The following LARGE1 variants were observed in gnomAD, a reference collection of about 807,000 sequenced individuals.
LARGE1 encodes LARGE xylosyl- and glucuronyltransferase 1.
In LARGE1, 43 loss-of-function variants were observed where a neutral mutation model predicts 87.6. The observed-to-expected ratio is 0.49, with a 90% confidence interval of 0.38 to 0.63. The LOEUF (loss-of-function observed/expected upper bound fraction) is 0.63. Ranked by LOEUF, LARGE1 falls within the 30% of genes least tolerant of loss-of-function variation. The probability of loss-of-function intolerance (pLI) is 0.00; values close to 1 mark genes in which losing one functional copy is unlikely to be tolerated. For missense variants in LARGE1, 802 were observed against 1,000.2 expected, an observed-to-expected ratio of 0.80 and a Z score of 2.67; for synonymous variants, 434 against 394.6, an observed-to-expected ratio of 1.10 and a Z score of -1.18.
At chr22:33,093,822 C>CTTTTTTTTTTTTTTTTTTT in the LARGE1 span, among the ~76,000 whole-genome samples, 1 of 81,578 alleles carries the variant, frequency 1.2e-5, no homozygotes, top group Non-Finnish European at 2.3e-5. Flanking sequence ...TTCTTTCTTT[C>CTTTTTTTTTTTTTTTTTTT]TTTTTTTTTT....
chr22:33,451,106 GC>G (rs556098713), intron 6 of LARGE1, among the ~76,000 whole-genome samples: 154 of 152,294 alleles, frequency 1.0e-3, no homozygotes, highest in Non-Finnish European at 1.9e-3. Context: ...ACAATGGCCA[GC>G]TAGTGGTCTT....
rs576381424 is a variant in LARGE1 at position 33,197,992 on chromosome 22, G to C, written c.1731-31160C>G. Among the ~76,000 whole-genome samples the C allele has an allele frequency of 9.8e-4, 149 of 152,094 alleles. 1 individual carries two copies. The highest frequency in any genetic ancestry group is 3.4e-3 in the African/African-American group (143 of 41,490). ...GTGGTCAAATGATCTTCAACAAAAG[G>C]CTGTGCAACAAAAAGAGAAAATTTT... is the stretch of plus-strand genomic sequence containing the variant. On this transcript the variant is annotated intron_variant, in intron 11 of 11. Coordinates refer to the LARGE1 transcript ENST00000608642.
chr22:33,598,753 T>C (rs1337701450), intron 5 of LARGE1, among the ~76,000 whole-genome samples: 2 of 152,222 alleles, frequency 1.3e-5, no homozygotes, highest in Non-Finnish European at 2.9e-5. Flanking sequence ...TGTGCCACAT[T>C]TTCTTGATCC....
chr22:33,730,698 C>CT lies in LARGE1; in HGVS notation c.106+30672dup, dbSNP rs922511311. ...TTTTATTTTATTTTTATTATAATTA[C>CT]TTTTTTTTTGAGACGGAGTTTTACT... is the stretch of plus-strand genomic sequence containing the variant. On this transcript the variant is annotated intron_variant, in intron 2 of 14. Transcript: ENST00000397394. Among the ~76,000 whole-genome samples the CT allele has an allele frequency of 1.3e-4, 19 of 151,250 alleles. No individual in the cohort carries two copies. The East Asian group carries it at 3.1e-3, about 25-fold the overall frequency.
chr22:33,419,552 C>T (rs1195304795), intron 7 of LARGE1, among the ~76,000 whole-genome samples: 3 of 152,078 alleles, frequency 2.0e-5, no homozygotes, highest in African/African-American at 4.8e-5. Flanking sequence ...GCTCAAATGT[C>T]GTCTTCTCAG....
chr22:33,350,650 G>T (rs1267449410), intron 9 of LARGE1, among the ~76,000 whole-genome samples: 3 of 152,190 alleles, frequency 2.0e-5, no homozygotes, highest in Non-Finnish European at 4.4e-5. Flanking sequence ...AGGATTCGCT[G>T]CTTGGAAACC....
At chr22:33,122,907 G>T in the LARGE1 span, among the ~76,000 whole-genome samples, 1 of 152,146 alleles carries the variant, frequency 6.6e-6, no homozygotes, top group Non-Finnish European at 1.5e-5. Flanking sequence ...GGCTGATACG[G>T]GACCCTACTG....
Position 33,909,607 on chromosome 22 carries a change from C to T in LARGE1, c.-83+10388G>A, listed in dbSNP as rs143892067. Among the ~76,000 whole-genome samples, 9 of 151,814 alleles carry T rather than the reference C, an allele frequency of 5.9e-5. No individual in the cohort carries two copies. In the South Asian group the frequency reaches 6.2e-4, roughly 11 times the overall value. On this transcript the variant is annotated intron_variant, in intron 1 of 14. Transcript: ENST00000397394. ...CTGGAGGAGTGCAGTGGCATGATATCGGCTCACTGCAAGCTCTGACTTCCG... is the reference window on the plus strand; with the variant it reads ...CTGGAGGAGTGCAGTGGCATGATATTGGCTCACTGCAAGCTCTGACTTCCG...
intron 11 of LARGE1, among the ~76,000 whole-genome samples, chr22:33,260,479 C>T (rs868558386): frequency 6.6e-5 from 10 of 152,304 alleles, no homozygotes; most frequent in South Asian, 6.2e-4. Context: ...CCTTTCCAAC[C>T]GCTGGGCTGT....
chr22:33,453,683 T>G (rs2068027083), intron 6 of LARGE1, among the ~76,000 whole-genome samples: 1 of 152,160 alleles, frequency 6.6e-6, no homozygotes, highest in Admixed American at 6.5e-5. Flanking sequence ...CCATCTGTCT[T>G]TCCTGGCTCC....
At chr22:33,825,241 T>G (rs945440433) in intron 1 of LARGE1, among the ~76,000 whole-genome samples, 5 of 152,174 alleles carry the variant, frequency 3.3e-5, no homozygotes, top group African/African-American at 1.2e-4. Flanking sequence ...CAGAGAACAG[T>G]TTGTTCATTT....
intron 1 of LARGE1, among the ~76,000 whole-genome samples, chr22:33,798,378 C>A (rs1395813468): frequency 6.6e-6 from 1 of 152,154 alleles, no homozygotes; most frequent in African/African-American, 2.4e-5. Context: ...ATAGGTATTA[C>A]ACACATGCAC....
chr22:33,117,175 C>T, the LARGE1 span, among the ~76,000 whole-genome samples: 1 of 152,336 alleles, frequency 6.6e-6, no homozygotes, highest in Admixed American at 6.5e-5. Context: ...TACCTTCCTA[C>T]TTACCTATCT....
chr22:33,253,710 G>A (rs937905631), intron 11 of LARGE1, among the ~76,000 whole-genome samples: 2 of 152,050 alleles, frequency 1.3e-5, no homozygotes, highest in Admixed American at 6.6e-5. Context: ...AGACTCCATC[G>A]CAGGAAGAGC....
At chr22:33,382,100 T>C in intron 8 of LARGE1, 56 bp from the exon 9 acceptor site, 5 of 1,609,210 alleles carry the variant, frequency 3.1e-6, no homozygotes, top group Non-Finnish European at 3.4e-6. Flanking sequence ...CAGCTGCCCA[T>C]TTTGGCTCTC....
chr22:33,086,479 C>T, the LARGE1 span, among the ~76,000 whole-genome samples: 1 of 151,236 alleles, frequency 6.6e-6, no homozygotes, highest in Non-Finnish European at 1.5e-5. Flanking sequence ...AATAAATTTA[C>T]CTTTGATATT....
At chr22:33,634,506 A>C (rs181855450) in intron 3 of LARGE1, among the ~76,000 whole-genome samples, 1 of 152,252 alleles carries the variant, frequency 6.6e-6, no homozygotes, top group Non-Finnish European at 1.5e-5. Flanking sequence ...ATTCCTCTCA[A>C]GTAGAGAGCA....
intron 6 of LARGE1, among the ~76,000 whole-genome samples, chr22:33,540,864 C>T (rs1326499329): frequency 2.0e-5 from 3 of 151,728 alleles, no homozygotes; most frequent in Admixed American, 1.3e-4. Flanking sequence ...ACGGGCACAG[C>T]GGCTCACACC....
chr22:33,367,585 C>A (rs1209172126), intron 9 of LARGE1, among the ~76,000 whole-genome samples: 1 of 151,934 alleles, frequency 6.6e-6, no homozygotes, highest in East Asian at 1.9e-4. Flanking sequence ...CCACTCCCAT[C>A]CCCCCATTTA....
Sources: gnomAD v4.1 joint callset for allele counts (sites outside exome capture counted in the v4.1 genomes callset) on GRCh38, gnomAD v4.1.1 for gene constraint, MANE v1.5 for transcripts, NCBI Gene and HGNC (gene_info 2026-07-23, HGNC 2026-07-21) for gene names.